TRIM47: variants seen among roughly 807,000 people sequenced by gnomAD.
TRIM47 encodes E3 ubiquitin-protein ligase TRIM47.
A neutral mutation model predicts 54.4 loss-of-function variants in TRIM47; 46 were observed. The observed-to-expected ratio is 0.84, with a 90% CI of 0.67 to 1.08. The LOEUF (loss-of-function observed/expected upper bound fraction) is 1.08. Among genes scored for constraint, TRIM47 ranks in the 50% least tolerant of loss-of-function variants. TRIM47 has a pLI of 0.00. For missense variants in TRIM47, 825 were observed against 910.1 expected (o/e 0.91, Z 1.20); for synonymous variants, 392 against 410.2 (o/e 0.96, Z 0.54).
Position 75,876,830 on chromosome 17 carries a change from C to T in TRIM47, c.676-17G>A, listed in dbSNP as rs1249597240. On this transcript the variant is annotated splice_polypyrimidine_tract_variant and intron_variant, in intron 1 of 5. Coordinates refer to ENST00000254816, the MANE Select transcript of TRIM47 (RefSeq NM_033452.3). ...CTGCTCAGCCTGTGGACAACACCCT[C>T]CATGAGTGTGAGGTCTGGCAGAGGC... is the stretch of plus-strand genomic sequence containing the variant. 6.2e-7 allele frequency: 1 copy of T among 1,612,718 alleles called. No homozygotes were observed. The highest frequency in any genetic ancestry group is 8.5e-7 in the Non-Finnish European group (1 of 1,179,288).
chr17:75,877,646 C>A (rs764016930), intron 1 of TRIM47: 117 of 1,222,724 alleles, frequency 9.6e-5, no homozygotes, highest in Non-Finnish European at 1.2e-4. Flanking sequence ...GTCCCCTGCC[C>A]GCTCTTCGCG....
chr17:75,877,851 C>G, intron 1 of TRIM47, 23 bp downstream of exon 1: 4 of 1,309,770 alleles, frequency 3.1e-6, no homozygotes, highest in Non-Finnish European at 3.9e-6. Flanking sequence ...CCCGGCTCAC[C>G]CGAGTGTGCC....
In TRIM47 at chr17:75,874,839, A is replaced by C. The variant is rs746872447; in HGVS notation, c.1561T>G (p.Cys521Gly). The C allele has an allele frequency of 6.2e-7, 1 of 1,614,144 alleles. No individual in the cohort carries two copies. The highest frequency in any genetic ancestry group is 1.1e-5 in the South Asian group (1 of 91,076). The change falls in exon 6 of 6, where the codon TGC (cysteine) becomes GGC (glycine). Residue 521 changes from cysteine (C) to glycine (G), a missense_variant. Cys to Gly is a radical substitution (Grantham distance 159). Coordinates refer to ENST00000254816, the MANE Select transcript of TRIM47 (RefSeq NM_033452.3). This position sits in a 1 kb window ranked among gnomAD's most constrained non-coding sequence, Gnocchi z 6.2. ...GRLGRNAHSC[C>G]LQWNGRSFSV... Reference sequence around the variant, plus strand: ...AAGCTGCGTCCATTCCACTGCAGGCAGCAGGAGTGGGCGTTGCGGCCCAGC... The same window carrying C: ...AAGCTGCGTCCATTCCACTGCAGGCCGCAGGAGTGGGCGTTGCGGCCCAGC...
chr17:75,877,817 G>A, intron 1 of TRIM47, 57 bp downstream of exon 1: 1 of 1,285,424 alleles, frequency 7.8e-7, no homozygotes, highest in Non-Finnish European at 9.9e-7. Flanking sequence ...TCCTCGGCCC[G>A]CTCGCGCGCG....
In TRIM47 at chr17:75,876,053, C is replaced by T. The variant is rs2065131746; in HGVS notation, c.1049G>A (p.Gly350Glu). Residue 350 changes from glycine to glutamate, a missense_variant, in exon 4 of 6, where the codon GGG (glycine) becomes GAG (glutamate). Gly to Glu is a moderately conservative substitution (Grantham distance 98, BLOSUM62 -2). Coordinates refer to ENST00000254816, the MANE Select transcript of TRIM47 (RefSeq NM_033452.3). ...GCTGAGCTCCCTCGGGGGTCCAGGC[C>T]CAGGGCCACACCCATCCTCCAGGGC... ...RLALEDGCGP[G>E]PGPPRELSFT... The T allele has an allele frequency of 6.2e-7, 1 of 1,602,194 alleles. No homozygotes were observed. The highest frequency in any genetic ancestry group is 1.3e-5 in the African/African-American group (1 of 74,928).
chr17:75,875,435 A>C lies in TRIM47; in HGVS notation c.1241T>G (p.Leu414Trp). Residue 414 changes from leucine (L) to tryptophan (W), a missense_variant, in exon 5 of 6, where the codon TTG (leucine) becomes TGG (tryptophan). Coordinates refer to ENST00000254816, the MANE Select transcript of TRIM47 (RefSeq NM_033452.3). The surrounding 1 kb of genome is among the most constrained non-coding windows in gnomAD (Gnocchi z 6.1). ...EPQDLESTNL[L>W]ESEAPRDYFL... ...ATAGTCCCTGGGAGCTTCACTCTCCAAGAGGTTCGTACTCTCGAGGTCTTG... is the reference window on the plus strand; with the variant it reads ...ATAGTCCCTGGGAGCTTCACTCTCCCAGAGGTTCGTACTCTCGAGGTCTTG... 1 of 1,614,018 alleles carries C rather than the reference A, an allele frequency of 6.2e-7. No individual in the cohort carries two copies. The highest frequency in any genetic ancestry group is 1.1e-5 in the South Asian group (1 of 91,082).
chr17:75,877,522 A>G, intron 1 of TRIM47: 1 of 403,706 alleles, frequency 2.5e-6, no homozygotes, highest in Non-Finnish European at 3.8e-6. Context: ...GGCAAATCTG[A>G]GCTGAGACCG....
chr17:75,875,544 T>C lies in TRIM47; in HGVS notation c.1202-70A>G. 2 of 1,373,382 alleles carry C rather than the reference T, an allele frequency of 1.5e-6. No homozygotes were observed. Among genetic ancestry groups the C allele is most frequent in the Non-Finnish European group, 2.1e-6 (2 of 966,890 alleles). The allele number at this position is 1,373,382 out of a possible 1,614,324, so 85.1% of individuals were successfully genotyped here. A position where few individuals can be genotyped will look rare whatever the true frequency, so the allele number is the denominator to read the frequency against. ...CCTCTGAACCTGTGACTACAATCCC[T>C]ACCCCCTTCACTTCCTCCCAGAGTC... is the stretch of plus-strand genomic sequence containing the variant. On this transcript the variant is annotated intron_variant, in intron 4 of 5. Transcript: ENST00000254816. The surrounding 1 kb of genome is among the most constrained non-coding windows in gnomAD (Gnocchi z 6.1).
Position 75,878,463 on chromosome 17 carries a change from C to CA in TRIM47, c.85dup (p.Cys29LeufsTer199). On this transcript the variant is annotated frameshift_variant, in exon 1 of 6. Coordinates refer to ENST00000254816, the MANE Select transcript of TRIM47 (RefSeq NM_033452.3). LOFTEE classifies it high-confidence loss of function. ...CCAGAGCGCGCCCAGGCAGGCGAGA[C>CA]AGAAGTTGTGGCCGCAGGGCAGCGT... is the stretch of plus-strand genomic sequence containing the variant. 7.0e-7 allele frequency: 1 copy of CA among 1,424,370 alleles called. No homozygotes were observed. The highest frequency in any genetic ancestry group is 9.3e-7 in the Non-Finnish European group (1 of 1,077,570). 88.2% of individuals were successfully genotyped at this position (1,424,370 alleles called of 1,614,324 possible). A position where few individuals can be genotyped will look rare whatever the true frequency, so the allele number is the denominator to read the frequency against.
Position 75,874,591 on chromosome 17 carries a change from C to G in TRIM47, c.1809G>C (p.Gly603=), listed in dbSNP as rs145314141. 6.5e-7 allele frequency: 1 copy of G among 1,546,442 alleles called. No individual in the cohort carries two copies. Among genetic ancestry groups the G allele is most frequent in the African/African-American group, 1.4e-5 (1 of 72,364 alleles). The change falls in exon 6 of 6, where the codon GGG becomes GGC. Residue 603 remains glycine (G), a synonymous_variant. Coordinates refer to ENST00000254816, the MANE Select transcript of TRIM47 (RefSeq NM_033452.3). The surrounding 1 kb of genome is among the most constrained non-coding windows in gnomAD (Gnocchi z 6.2). ...FQSRLDSHFA[G]LFTHRLKPAF... Reference sequence around the variant, plus strand: ...CAGGCTTGAGTCTGTGGGTGAAGAGCCCCGCAAAGTGACTGTCCAGGCGGC... The same window carrying G: ...CAGGCTTGAGTCTGTGGGTGAAGAGGCCCGCAAAGTGACTGTCCAGGCGGC...
rs776393775 is a variant in TRIM47 at position 75,874,414 on chromosome 17, C to T, written c.*69G>A. 33 of 1,418,400 alleles carry T rather than the reference C, an allele frequency of 2.3e-5. No homozygotes were observed. The highest frequency in any genetic ancestry group is 1.3e-4 in the Admixed American group (5 of 39,712). The allele number at this position is 1,418,400 out of a possible 1,614,324, so 87.9% of individuals were successfully genotyped here. A position where few individuals can be genotyped will look rare whatever the true frequency, so the allele number is the denominator to read the frequency against. On this transcript the variant is annotated 3_prime_UTR_variant, in exon 6 of 6. Transcript: ENST00000254816. This position sits in a 1 kb window ranked among gnomAD's most constrained non-coding sequence, Gnocchi z 6.2. ...GGACTCATGCTGGTGCCTTCCCAGACGAAGGAGAGGGCCCAGAGGAGGCAG... is the reference window on the plus strand; with the variant it reads ...GGACTCATGCTGGTGCCTTCCCAGATGAAGGAGAGGGCCCAGAGGAGGCAG...
At position 75,876,890 on chromosome 17, in the gene TRIM47, G is replaced by C. The variant is rs2143975027; in HGVS notation, c.676-77C>G. Reference sequence around the variant, plus strand: ...ACACTCGGGTCCCAGGCCTTGCCAGGGGAGAGAAGGGGGTGACTGGGGAGT... The same window carrying C: ...ACACTCGGGTCCCAGGCCTTGCCAGCGGAGAGAAGGGGGTGACTGGGGAGT... On this transcript the variant is annotated intron_variant, in intron 1 of 5. Coordinates refer to ENST00000254816, the MANE Select transcript of TRIM47 (RefSeq NM_033452.3). The C allele has an allele frequency of 2.1e-6, 3 of 1,398,490 alleles. No individual in the cohort carries two copies. The East Asian group carries it at 7.1e-5, about 33-fold the overall frequency. 86.6% of individuals were successfully genotyped at this position (1,398,490 alleles called of 1,614,324 possible).
At chr17:75,876,598 A>T in intron 2 of TRIM47, 106 bp from the exon 3 acceptor site, 8 of 1,508,066 alleles carry the variant, frequency 5.3e-6, no homozygotes, top group Non-Finnish European at 7.2e-6. Context: ...TTGAGGGGAC[A>T]GAGGGGCCAG....
At chr17:75,876,574 T>C in intron 2 of TRIM47, 82 bp from the exon 3 acceptor site, 2 of 1,505,134 alleles carry the variant, frequency 1.3e-6, no homozygotes, top group Non-Finnish European at 1.8e-6. Context: ...GACCCCGGCT[T>C]CCCACCGGCC....
chr17:75,875,083 C>T lies in TRIM47; in HGVS notation c.1317G>A (p.Lys439=). 1 of 1,608,676 alleles carries T rather than the reference C, an allele frequency of 6.2e-7. No homozygotes were observed. ...IVDLDSDTAD[K]FLQLFGTKGV... ...CTTTGGTTCCAAACAGCTGCAGGAA[C>T]TTGTCTGCTGTGTCGCTGTCCAAAT... Residue 439 remains lysine (K), a synonymous_variant, in exon 6 of 6, where the codon AAG becomes AAA. Transcript: ENST00000254816. This position sits in a 1 kb window ranked among gnomAD's most constrained non-coding sequence, Gnocchi z 6.1.
chr17:75,875,643 T>C lies in TRIM47; in HGVS notation c.1202-169A>G. 1 of 733,102 alleles carries C rather than the reference T, an allele frequency of 1.4e-6. No homozygotes were observed. 45.4% of individuals were successfully genotyped at this position (733,102 alleles called of 1,614,324 possible). A position where few individuals can be genotyped will look rare whatever the true frequency, so the allele number is the denominator to read the frequency against. On this transcript the variant is annotated intron_variant, in intron 4 of 5. Coordinates refer to ENST00000254816, the MANE Select transcript of TRIM47 (RefSeq NM_033452.3). This position sits in a 1 kb window ranked among gnomAD's most constrained non-coding sequence, Gnocchi z 6.1. The stretch of plus-strand genomic sequence containing the variant: ...ACACACATGCCCGTTGCCTGTGTTC[T>C]GCCTCTTGCCCCATGTGCTTCCCGG...
Position 75,874,689 on chromosome 17 carries a change from G to C in TRIM47, c.1711C>G (p.Leu571Val), listed in dbSNP as rs1269337104. ...CGGGAGGCCTTCAGCCTCCGCAGGA[G>C]GCTCATCTTGCCGTCCCGTACAGCA... ...FYAVRDGKMSLLRRLKASRPR... is the reference protein window; with the variant it reads ...FYAVRDGKMSVLRRLKASRPR... Residue 571 changes from leucine to valine, a missense_variant, in exon 6 of 6, where the codon CTC becomes GTC. Physicochemically the swap from Leu to Val is conservative, Grantham distance 32 (BLOSUM62 1). Transcript: ENST00000254816. This position sits in a 1 kb window ranked among gnomAD's most constrained non-coding sequence, Gnocchi z 6.2. The C allele has an allele frequency of 6.2e-7, 1 of 1,609,146 alleles. No homozygotes were observed. Among genetic ancestry groups the C allele is most frequent in the South Asian group, 1.1e-5 (1 of 90,914 alleles).
chr17:75,877,089 G>A lies in TRIM47; in HGVS notation c.676-276C>T, dbSNP rs1224083076. ...AGTACAGGGCCGTCCGCTGGTCTCA[G>A]TGTTGCTCAGATGAATTTGAGAACT... On this transcript the variant is annotated intron_variant, in intron 1 of 5. Coordinates refer to ENST00000254816, the MANE Select transcript of TRIM47 (RefSeq NM_033452.3). 15 of 468,154 alleles carry A rather than the reference G, an allele frequency of 3.2e-5. No individual in the cohort carries two copies. In the South Asian group the frequency reaches 4.2e-4, roughly 13 times the overall value. 29.0% of individuals were successfully genotyped at this position (468,154 alleles called of 1,614,324 possible).
intron 1 of TRIM47, chr17:75,877,581 G>T: frequency 1.1e-6 from 1 of 947,946 alleles, no homozygotes; most frequent in Non-Finnish European, 1.4e-6. Context: ...GAACCCCGCG[G>T]GCCTAACCCG....
Sources: allele counts gnomAD v4.1 joint callset, GRCh38; gene constraint gnomAD v4.1.1; non-coding constraint Gnocchi (gnomAD v3.1); transcripts MANE v1.5; gene names NCBI Gene and HGNC (gene_info 2026-07-23, HGNC 2026-07-21).